The following TMEM170A variants were observed in gnomAD, a reference collection of about 807,000 sequenced individuals.
TMEM170A encodes the protein transmembrane protein 170A.
In TMEM170A, 18 loss-of-function variants were observed where a neutral mutation model predicts 12.8. The ratio of observed to expected loss-of-function variants is 1.41; its 90% CI spans 0.97 to 2.09. TMEM170A has a LOEUF of 2.09. Ranked by LOEUF, TMEM170A falls within the 30% of genes most tolerant of loss-of-function variation. TMEM170A has a pLI of 0.00. For missense variants in TMEM170A, 220 were observed against 179.9 expected, an observed-to-expected ratio of 1.22 and a Z score of -1.28; for synonymous variants, 107 against 76.2, an observed-to-expected ratio of 1.40 and a Z score of -2.11.
chr16:75,464,356 C>T (rs1012738428), intron 1 of TMEM170A, 112 bp downstream of exon 1: 9 of 1,242,976 alleles, frequency 7.2e-6, no homozygotes, highest in Admixed American at 4.6e-5. Context: ...GAGGACAGCG[C>T]CCACGCCGCC....
intron 1 of TMEM170A, among the ~76,000 whole-genome samples, chr16:75,461,605 T>G (rs530587960): frequency 6.6e-6 from 1 of 152,204 alleles, no homozygotes; most frequent in African/African-American, 2.4e-5. Flanking sequence ...GTGTCTCAAA[T>G]AGGATATAAC....
intron 1 of TMEM170A, among the ~76,000 whole-genome samples, chr16:75,459,725 T>C (rs2079868815): frequency 6.6e-6 from 1 of 151,946 alleles, no homozygotes. Context: ...GGTTTGGTGG[T>C]GTCTGCCTCT....
At position 75,447,602 on chromosome 16, in the gene TMEM170A, A is replaced by G. The variant is rs956944302; in HGVS notation, c.391T>C (p.Cys131Arg). 3 of 1,613,696 alleles carry G rather than the reference A, an allele frequency of 1.9e-6. No individual in the cohort carries two copies. The highest frequency in any genetic ancestry group is 1.7e-5 in the Admixed American group (1 of 59,900). The change falls in exon 3 of 3, where the codon TGC becomes CGC. Residue 131 changes from cysteine (C) to arginine (R), a missense_variant. Cys to Arg is a radical substitution (Grantham distance 180, BLOSUM62 -3). Transcript: ENST00000561878. The part of the protein sequence containing the change: ...ALTLGTGQTF[C>R]VLVVSFLRIL... ...CGTAAAAAGGAGACCACCAAGACGC[A>G]AAATGTCTGTCCAGTGCCCAGTGTG...
At chr16:75,460,643 C>A (rs1459731297) in intron 1 of TMEM170A, among the ~76,000 whole-genome samples, 1 of 152,214 alleles carries the variant, frequency 6.6e-6, no homozygotes, top group East Asian at 1.9e-4. Context: ...AGGCCCTGCC[C>A]CTTCCCAGGC....
intron 1 of TMEM170A, among the ~76,000 whole-genome samples, chr16:75,455,302 A>G (rs368528605): frequency 3.4e-5 from 5 of 148,044 alleles, no homozygotes; most frequent in African/African-American, 1.2e-4. Context: ...GCTTGCAGTG[A>G]GCCGAGATCA....
chr16:75,450,903 C>T (rs1465234654), intron 2 of TMEM170A, among the ~76,000 whole-genome samples: 1 of 152,120 alleles, frequency 6.6e-6, no homozygotes, highest in African/African-American at 2.4e-5. Context: ...CTTCAGCAAG[C>T]CTCCCACCTC....
Position 75,446,479 on chromosome 16 carries a change from G to A in TMEM170A, c.*1079C>T, listed in dbSNP as rs932654024. The A allele has an allele frequency of 6.6e-6, 1 of 152,102 alleles. No homozygotes were observed. The highest frequency in any genetic ancestry group is 2.4e-5 in the African/African-American group (1 of 41,424). 9.4% of individuals were successfully genotyped at this position (152,102 alleles called of 1,614,324 possible). ...AAATTCTTTTGAATAAAAATGTAAA[G>A]GGGAGAGTGGGTACATATCTGAACA... On this transcript the variant is annotated 3_prime_UTR_variant, in exon 3 of 3. Transcript: ENST00000561878.
intron 1 of TMEM170A, among the ~76,000 whole-genome samples, chr16:75,453,697 A>G (rs1188137088): frequency 6.6e-6 from 1 of 152,242 alleles, no homozygotes; most frequent in Non-Finnish European, 1.5e-5. Context: ...ACCAGAAAAT[A>G]TAAATGTTTG....
intron 1 of TMEM170A, among the ~76,000 whole-genome samples, chr16:75,460,873 G>A (rs1281473309): frequency 6.6e-6 from 1 of 152,032 alleles, no homozygotes; most frequent in African/African-American, 2.4e-5. Flanking sequence ...AAACATTACT[G>A]GGTTTTTAAT....
chr16:75,460,623 C>G (rs1013713071), intron 1 of TMEM170A, among the ~76,000 whole-genome samples: 1 of 152,210 alleles, frequency 6.6e-6, no homozygotes, highest in Non-Finnish European at 1.5e-5. Flanking sequence ...GCAATCCACC[C>G]CCACCACACA....
At chr16:75,463,529 C>T (rs1400625475) in intron 1 of TMEM170A, among the ~76,000 whole-genome samples, 5 of 152,200 alleles carry the variant, frequency 3.3e-5, no homozygotes, top group Non-Finnish European at 7.3e-5. Flanking sequence ...TGAGAAATCA[C>T]AGGTGCCTTG....
intron 2 of TMEM170A, among the ~76,000 whole-genome samples, chr16:75,447,931 A>C (rs1231038525): frequency 6.6e-6 from 1 of 152,234 alleles, no homozygotes; most frequent in Non-Finnish European, 1.5e-5. Flanking sequence ...AGAGTCTCCT[A>C]GATTTATTGA....
chr16:75,451,571 C>G (rs899781382), intron 2 of TMEM170A, 98 bp downstream of exon 2: 24 of 1,353,272 alleles, frequency 1.8e-5, no homozygotes, highest in Non-Finnish European at 2.5e-5. Context: ...AAAAGGCACT[C>G]TTTCCTTCAT....
chr16:75,459,021 G>A (rs778737208), intron 1 of TMEM170A: 2 of 152,124 alleles, frequency 1.3e-5, no homozygotes, highest in Non-Finnish European at 2.9e-5. Flanking sequence ...AGCCTCCCAA[G>A]TAGCTAGGAC....
chr16:75,464,152 C>A (rs2079955036), intron 1 of TMEM170A: 1 of 1,409,220 alleles, frequency 7.1e-7, no homozygotes, highest in Admixed American at 2.0e-5. Flanking sequence ...TGGGGTGCAG[C>A]TCTGAACCTG....
chr16:75,460,691 T>C (rs748824661), intron 1 of TMEM170A, among the ~76,000 whole-genome samples: 4 of 152,132 alleles, frequency 2.6e-5, no homozygotes, highest in East Asian at 1.9e-4. Context: ...TCTCTCCCCA[T>C]TGGAATGAAA....
chr16:75,464,308 G>A (rs1280355488), intron 1 of TMEM170A, 160 bp downstream of exon 1: 1 of 1,469,734 alleles, frequency 6.8e-7, no homozygotes. Flanking sequence ...AAGTGATGGG[G>A]AAAGGGGCTC....
At chr16:75,451,354 C>G (rs887124856) in intron 2 of TMEM170A, 1 of 447,418 alleles carries the variant, frequency 2.2e-6, no homozygotes, top group African/African-American at 2.0e-5. Context: ...GTTCGAGACC[C>G]GGGCAACATG....
intron 2 of TMEM170A, 138 bp downstream of exon 2, chr16:75,451,531 C>A: frequency 1.1e-6 from 1 of 873,100 alleles, no homozygotes; most frequent in Non-Finnish European, 1.8e-6. Flanking sequence ...GCCTTGGTGA[C>A]ATAGGGAGAC....
Sources: gnomAD v4.1 joint callset for allele counts (sites outside exome capture counted in the v4.1 genomes callset) on GRCh38, gnomAD v4.1.1 for gene constraint, MANE v1.5 for transcripts, NCBI Gene and HGNC (gene_info 2026-07-23, HGNC 2026-07-21) for gene names.